The following PHLDB2 variants were observed in gnomAD, a reference collection of about 807,000 sequenced individuals.
PHLDB2 encodes the protein pleckstrin homology like domain family B member 2, also known as pleckstrin homology-like domain family B member 2.
A neutral mutation model predicts 123.6 loss-of-function variants in PHLDB2; 71 were observed. That is an observed-to-expected ratio of 0.57 (90% CI 0.47 to 0.70). The LOEUF (loss-of-function observed/expected upper bound fraction) is 0.70. Among genes scored for constraint, PHLDB2 ranks in the 30% least tolerant of loss-of-function variants. The pLI is 0.00. For synonymous variants in PHLDB2, 547 were observed against 541.6 expected (o/e 1.01, Z -0.14); for missense variants, 1,446 against 1,519.5 (o/e 0.95, Z 0.80).
At chr3:111,911,716 G>A (rs1347808123) in intron 2 of PHLDB2, 3 of 1,536,168 alleles carry the variant, frequency 2.0e-6, no homozygotes, top group Admixed American at 2.0e-5. Context: ...TTCAGGCAGT[G>A]AAAGGGAGGT....
chr3:111,752,353 T>A (rs1192448024), intron 1 of PHLDB2, among the ~76,000 whole-genome samples: 1 of 152,144 alleles, frequency 6.6e-6, no homozygotes, highest in Non-Finnish European at 1.5e-5. Context: ...TCTACTTTTT[T>A]AATGGAATTT....
intron 1 of PHLDB2, among the ~76,000 whole-genome samples, chr3:111,779,544 A>G (rs1344678574): frequency 6.6e-6 from 1 of 152,032 alleles, no homozygotes; most frequent in Non-Finnish European, 1.5e-5. Flanking sequence ...TCTTAGGATA[A>G]TGGCCTCCAG....
intron 1 of PHLDB2, among the ~76,000 whole-genome samples, chr3:111,822,184 A>G (rs1559849383): frequency 6.6e-6 from 1 of 151,918 alleles, no homozygotes; most frequent in Non-Finnish European, 1.5e-5. Flanking sequence ...CCAGAACCTG[A>G]GGTAGTATAT....
chr3:111,879,737 C>T (rs2065843214), intron 1 of PHLDB2, among the ~76,000 whole-genome samples: 1 of 152,044 alleles, frequency 6.6e-6, no homozygotes, highest in Admixed American at 6.6e-5. Flanking sequence ...TAGTTCAGTG[C>T]CTGTATCATA....
At chr3:111,931,434 C>T (rs2069142101) in intron 5 of PHLDB2, among the ~76,000 whole-genome samples, 1 of 152,178 alleles carries the variant, frequency 6.6e-6, no homozygotes, top group Admixed American at 6.5e-5. Flanking sequence ...AGAGAATGTC[C>T]AGGGTCTCAT....
At chr3:111,939,330 C>T (rs2069719225) in intron 6 of PHLDB2, 145 bp from the exon 7 acceptor site, 1 of 752,160 alleles carries the variant, frequency 1.3e-6, no homozygotes, top group Non-Finnish European at 2.0e-6. Context: ...GATTTAACTC[C>T]AAAAGATAGT....
chr3:111,859,121 C>T, upstream of PHLDB2: 1 of 965,988 alleles, frequency 1.0e-6, no homozygotes, highest in South Asian at 4.8e-5. Flanking sequence ...AAACTTGCCC[C>T]GGGGCGAACT....
intron 12 of PHLDB2, among the ~76,000 whole-genome samples, chr3:111,954,781 GT>G (rs2070939240): frequency 6.6e-6 from 1 of 152,174 alleles, no homozygotes; most frequent in African/African-American, 2.4e-5. Flanking sequence ...CCTTTGAAAT[GT>G]TTATAGTCTA....
At chr3:111,826,676 G>A (rs150525852) in intron 1 of PHLDB2, among the ~76,000 whole-genome samples, 1 of 152,130 alleles carries the variant, frequency 6.6e-6, no homozygotes, top group African/African-American at 2.4e-5. Context: ...CAGTAATGCC[G>A]CAGTTTTGCT....
At chr3:111,735,469 T>C (rs192947973) in intron 1 of PHLDB2, among the ~76,000 whole-genome samples, 109 of 152,306 alleles carry the variant, frequency 7.2e-4, no homozygotes, top group African/African-American at 2.6e-3. Context: ...CCTGAGCATT[T>C]ACAAGATCAA....
intron 2 of PHLDB2, among the ~76,000 whole-genome samples, chr3:111,910,351 T>A (rs2067815040): frequency 3.3e-5 from 5 of 152,250 alleles, no homozygotes. Flanking sequence ...ACTGATATTT[T>A]GGAGCATTAA....
rs148790196 is a variant in PHLDB2, at chr3:111,757,898, G to A, written c.-49+25195G>A. Among the ~76,000 whole-genome samples the A allele has an allele frequency of 3.9e-4, 59 of 152,298 alleles. 1 individual carries two copies. In the East Asian group the frequency reaches 0.01, roughly 26 times the overall value. On this transcript the variant is annotated intron_variant, in intron 1 of 17. Coordinates refer to the PHLDB2 transcript ENST00000393923. ...CACTGTTTGCCTCGGTATCTGCAGCGGTGGCTGCAGAAGAGTGAATTTTCG... is the reference window on the plus strand; with the variant it reads ...CACTGTTTGCCTCGGTATCTGCAGCAGTGGCTGCAGAAGAGTGAATTTTCG...
At chr3:111,947,283 T>C (rs764618128) in intron 9 of PHLDB2, among the ~76,000 whole-genome samples, 4 of 149,738 alleles carry the variant, frequency 2.7e-5, no homozygotes, top group Non-Finnish European at 5.9e-5. Flanking sequence ...CATTCTGATG[T>C]CAAAAGCACA....
chr3:111,922,688 G>A (rs762064638), intron 5 of PHLDB2, among the ~76,000 whole-genome samples: 1 of 152,198 alleles, frequency 6.6e-6, no homozygotes, highest in Non-Finnish European at 1.5e-5. Context: ...AACTCAAATA[G>A]AGACTCAACA....
chr3:111,741,065 G>C (rs561207797), intron 1 of PHLDB2, among the ~76,000 whole-genome samples: 117 of 152,302 alleles, frequency 7.7e-4, no homozygotes, highest in Admixed American at 2.7e-3. Flanking sequence ...TCTCCAATCA[G>C]TGAGCACCAT....
rs150467340 is a variant in PHLDB2, at chr3:111,735,060, T to C, written c.-49+2357T>C. Among the ~76,000 whole-genome samples the C allele has an allele frequency of 3.3e-5, 5 of 152,358 alleles. No individual in the cohort carries two copies. In the East Asian group the frequency reaches 9.6e-4, roughly 29 times the overall value. ...CAGGCTAAATCTTTGTCCCTTTTTA[T>C]ACTGTAGACTCAAATTCTGAGCCCC... On this transcript the variant is annotated intron_variant, in intron 1 of 17. Coordinates refer to the PHLDB2 transcript ENST00000393923.
intron 1 of PHLDB2, among the ~76,000 whole-genome samples, chr3:111,787,716 G>C (rs2060748519): frequency 6.6e-6 from 1 of 152,068 alleles, no homozygotes; most frequent in Non-Finnish European, 1.5e-5. Context: ...AGGACACATG[G>C]GAGATAGGGG....
intron 1 of PHLDB2, among the ~76,000 whole-genome samples, chr3:111,758,322 C>T (rs2059933698): frequency 6.6e-6 from 1 of 152,218 alleles, no homozygotes; most frequent in Non-Finnish European, 1.5e-5. Context: ...GTGCCCCTCC[C>T]CCAGCCTCGC....
At chr3:111,813,230 A>T (rs2061921449) in intron 1 of PHLDB2, among the ~76,000 whole-genome samples, 1 of 152,204 alleles carries the variant, frequency 6.6e-6, no homozygotes, top group Non-Finnish European at 1.5e-5. Flanking sequence ...GTATAATGTG[A>T]TTACTATAGT....
Sources: gnomAD v4.1 joint callset for allele counts (sites outside exome capture counted in the v4.1 genomes callset) on GRCh38, gnomAD v4.1.1 for gene constraint, MANE v1.5 for transcripts, NCBI Gene and HGNC (gene_info 2026-07-23, HGNC 2026-07-21) for gene names.